Variants in DSE observed in about 807,000 individuals in gnomAD.
The protein encoded by DSE is dermatan-sulfate epimerase.
DSE carries 36 observed loss-of-function variants against 84.4 expected under a neutral mutation model. That is an observed-to-expected ratio of 0.43 (90% CI 0.33 to 0.56). The LOEUF is 0.56. DSE is among the 20% of genes least tolerant of loss of function. The pLI, the probability that DSE is intolerant of heterozygous loss-of-function variation, is 0.06. For missense variants in DSE, 862 were observed against 1,169.6 expected (o/e 0.74, Z 3.84); for synonymous variants, 410 against 430.1 (o/e 0.95, Z 0.58).
At chr6:116,421,046 C>T (rs1783041586) in intron 2 of DSE, among the ~76,000 whole-genome samples, 1 of 152,190 alleles carries the variant, frequency 6.6e-6, no homozygotes, top group Non-Finnish European at 1.5e-5. Flanking sequence ...AGTTATGGCT[C>T]ATTCTTCCTT....
chr6:116,302,785 T>C (rs1775116432), intron 2 of DSE, among the ~76,000 whole-genome samples: 2 of 152,208 alleles, frequency 1.3e-5, no homozygotes, highest in Non-Finnish European at 2.9e-5. Flanking sequence ...GTATTATGTT[T>C]AAGTCTTTAA....
At chr6:116,434,456 C>T (rs989386000) in intron 5 of DSE, among the ~76,000 whole-genome samples, 1 of 150,378 alleles carries the variant, frequency 6.6e-6, no homozygotes, top group Admixed American at 6.8e-5. Flanking sequence ...ATAAACTAAA[C>T]ATATTAAGAT....
At chr6:116,322,036 C>CGGA (rs2114763994) in intron 2 of DSE, among the ~76,000 whole-genome samples, 1 of 152,222 alleles carries the variant, frequency 6.6e-6, no homozygotes, top group South Asian at 2.1e-4. Flanking sequence ...GAGCCGAGCT[C>CGGA]CCCAAGTGAG....
chr6:116,409,483 G>T (rs1392570594), intron 2 of DSE, among the ~76,000 whole-genome samples: 1 of 152,098 alleles, frequency 6.6e-6, no homozygotes, highest in African/African-American at 2.4e-5. Flanking sequence ...GTTTCACCAT[G>T]TTAGCCAGGA....
intron 2 of DSE, among the ~76,000 whole-genome samples, chr6:116,344,935 C>T (rs1425756608): frequency 6.6e-6 from 1 of 152,070 alleles, no homozygotes; most frequent in East Asian, 1.9e-4. Flanking sequence ...GGAAAATCTA[C>T]CAAGCAAATG....
Position 116,437,415 on chromosome 6 carries a change from C to T in DSE, c.*70C>T, listed in dbSNP as rs1024815314. 5 of 1,358,428 alleles carry T rather than the reference C, an allele frequency of 3.7e-6. No individual in the cohort carries two copies. Among genetic ancestry groups the T allele is most frequent in the Non-Finnish European group, 4.9e-6 (5 of 1,024,664 alleles). 84.1% of individuals were successfully genotyped at this position (1,358,428 alleles called of 1,614,324 possible). On this transcript the variant is annotated 3_prime_UTR_variant, in exon 6 of 6. Coordinates refer to ENST00000644252, the MANE Select transcript of DSE (RefSeq NM_013352.4). ...CTATGCAAAAAAAAAAATTTCTTTA[C>T]CCCAGATTATCAGATTTTTTTCCCT... is the stretch of plus-strand genomic sequence containing the variant.
chr6:116,294,011 A>G (rs1317089249), intron 2 of DSE, among the ~76,000 whole-genome samples: 1 of 152,126 alleles, frequency 6.6e-6, no homozygotes. Flanking sequence ...GTCTATTTTT[A>G]GAAAAATTTA....
intron 2 of DSE, among the ~76,000 whole-genome samples, chr6:116,294,044 G>A (rs765499332): frequency 7.3e-5 from 11 of 151,246 alleles, no homozygotes; most frequent in Admixed American, 2.6e-4. Context: ...CTATTTTTGA[G>A]ACAAGGTCTC....
At chr6:116,370,611 C>A, upstream of DSE, 1 of 802,580 alleles carries the variant, frequency 1.2e-6, no homozygotes, top group Non-Finnish European at 1.5e-6. Context: ...ATTCTCGAAC[C>A]CGAAGCGTTT....
At chr6:116,422,525 C>A (rs943860981) in intron 2 of DSE, among the ~76,000 whole-genome samples, 1 of 152,226 alleles carries the variant, frequency 6.6e-6, no homozygotes, top group Non-Finnish European at 1.5e-5. Context: ...TGCATGACTT[C>A]TTTTGTTTGT....
intron 2 of DSE, among the ~76,000 whole-genome samples, chr6:116,297,426 G>A (rs1231462837): frequency 6.6e-6 from 1 of 151,850 alleles, no homozygotes; most frequent in East Asian, 1.9e-4. Context: ...CCACATGAGT[G>A]CCTCCTAGGA....
At chr6:116,360,650 G>A (rs1014006756) in intron 2 of DSE, among the ~76,000 whole-genome samples, 3 of 152,168 alleles carry the variant, frequency 2.0e-5, no homozygotes, top group Non-Finnish European at 4.4e-5. Flanking sequence ...AGGTCGCCAC[G>A]TTGGCCGCAT....
At chr6:116,338,190 TTTCTTTCTTCTTACC>T (rs1777369981) in intron 2 of DSE, among the ~76,000 whole-genome samples, 1 of 151,176 alleles carries the variant, frequency 6.6e-6, no homozygotes, top group Non-Finnish European at 1.5e-5. Flanking sequence ...TCTTTCTTTC[TTTCTTTCTTCTTACC>T]TTCTTTCTTC....
intron 2 of DSE, among the ~76,000 whole-genome samples, chr6:116,404,992 T>G (rs1583182111): frequency 3.3e-5 from 5 of 151,508 alleles, no homozygotes; most frequent in Admixed American, 6.6e-5. Context: ...TTGTGTTTTT[T>G]TTTTTTTTTT....
intron 2 of DSE, among the ~76,000 whole-genome samples, chr6:116,360,884 G>A (rs1251144704): frequency 6.6e-6 from 1 of 152,072 alleles, no homozygotes; most frequent in Non-Finnish European, 1.5e-5. Context: ...TGTGCTGACT[G>A]CATGACAATT....
rs1030114219 is a variant in DSE, at chr6:116,444,107, G to A, written c.*6762G>A. On this transcript the variant is annotated 3_prime_UTR_variant, in exon 6 of 6. Transcript: ENST00000644252. ...GAATGGATCCAGGTCATTTAGTAGA[G>A]TTCTGAAGAGAATTCTTAGAGCACT... 22 of 152,256 alleles carry A rather than the reference G, an allele frequency of 1.4e-4. No individual in the cohort carries two copies. Among genetic ancestry groups the A allele is most frequent in the African/African-American group, 4.8e-4 (20 of 41,556 alleles). 9.4% of individuals were successfully genotyped at this position (152,256 alleles called of 1,614,324 possible). A position where few individuals can be genotyped will look rare whatever the true frequency, so the allele number is the denominator to read the frequency against.
chr6:116,399,526 G>A lies in DSE; in HGVS notation c.276G>A (p.Lys92=). Residue 92 remains lysine (K), a synonymous_variant, in exon 2 of 6, where the codon AAG becomes AAA. Coordinates refer to ENST00000644252, the MANE Select transcript of DSE (RefSeq NM_013352.4). ...PLEYLPPWDP[K]DYSARWNEIF... The stretch of plus-strand genomic sequence containing the variant: ...AATACCTCCCTCCCTGGGATCCCAA[G>A]GACTACAGTGCCCGCTGGAATGAAA... 6.2e-7 allele frequency: 1 copy of A among 1,614,222 alleles called. No homozygotes were observed. Among genetic ancestry groups the A allele is most frequent in the African/African-American group, 1.3e-5 (1 of 75,046 alleles).
At chr6:116,327,730 C>A (rs537643648) in intron 2 of DSE, among the ~76,000 whole-genome samples, 14 of 152,248 alleles carry the variant, frequency 9.2e-5, no homozygotes, top group African/African-American at 3.4e-4. Flanking sequence ...CCTCATTGGC[C>A]ATTCTACATA....
chr6:116,355,928 GT>G (rs1396967697), intron 2 of DSE: 1 of 152,210 alleles, frequency 6.6e-6, no homozygotes, highest in Non-Finnish European at 1.5e-5. Context: ...CATAGAATTA[GT>G]GTTGAAATCT....
Sources: gnomAD v4.1 joint callset for allele counts (sites outside exome capture counted in the v4.1 genomes callset) on GRCh38, gnomAD v4.1.1 for gene constraint, MANE v1.5 for transcripts, NCBI Gene and HGNC (gene_info 2026-07-23, HGNC 2026-07-21) for gene names.